NOS1: variants seen among roughly 807,000 people sequenced by gnomAD.
The protein encoded by NOS1 is NOS type I.
In NOS1, 51 loss-of-function variants were observed where a neutral mutation model predicts 164.5. The ratio of observed to expected loss-of-function variants is 0.31; its 90% CI spans 0.25 to 0.39. The LOEUF (loss-of-function observed/expected upper bound fraction) is 0.39. Among genes scored for constraint, NOS1 ranks in the 10% least tolerant of loss-of-function variants. The pLI, the probability that NOS1 is intolerant of heterozygous loss-of-function variation, is 1.00. For missense variants in NOS1, 1,362 were observed against 1,885.6 expected, an observed-to-expected ratio of 0.72 and a Z score of 5.14; for synonymous variants, 719 against 745.8, an observed-to-expected ratio of 0.96 and a Z score of 0.59.
chr12:117,254,470 T>G (rs904106047), intron 16 of NOS1, among the ~76,000 whole-genome samples: 3 of 152,186 alleles, frequency 2.0e-5, no homozygotes, highest in Non-Finnish European at 4.4e-5. Context: ...AGATTCTGAT[T>G]AAGTAGTTCT....
chr12:117,330,674 G>A lies in NOS1; in HGVS notation c.396C>T (p.Ala132=), dbSNP rs1875497820. ...CCGGTGGCTGGTGGGACAGATCCAC[G>A]GCTTTGGTGGGGGGACCCAGGGGCT... The part of the protein sequence containing the change: ...VTQPLGPPTK[A]VDLSHQPPAG... Residue 132 remains alanine, a synonymous_variant, in exon 2 of 29, where the codon GCC becomes GCT. Coordinates refer to ENST00000317775, the MANE Select transcript of NOS1 (RefSeq NM_000620.5). The surrounding 1 kb of genome is among the most constrained non-coding windows in gnomAD (Gnocchi z 4.6). The A allele has an allele frequency of 5.0e-6, 8 of 1,613,240 alleles. No individual in the cohort carries two copies. The highest frequency in any genetic ancestry group is 4.4e-5 in the South Asian group (4 of 91,068).
intron 3 of NOS1, among the ~76,000 whole-genome samples, chr12:117,292,921 T>C (rs907119625): frequency 2.6e-5 from 4 of 152,058 alleles, no homozygotes; most frequent in Non-Finnish European, 4.4e-5. Flanking sequence ...ATGGATGCCA[T>C]TACATGGGAC....
intron 24 of NOS1, 36 bp from the exon 25 acceptor site, chr12:117,225,173 G>A (rs1868547822): frequency 6.3e-7 from 1 of 1,581,834 alleles, no homozygotes; most frequent in African/African-American, 1.4e-5. Flanking sequence ...GTCTTGCAGA[G>A]CTCAAATCCA....
chr12:117,295,848 C>T (rs905666629), intron 3 of NOS1, among the ~76,000 whole-genome samples: 4 of 150,940 alleles, frequency 2.7e-5, no homozygotes, highest in East Asian at 2.0e-4. Flanking sequence ...AGGCTGGTCT[C>T]GAACTCCTGA....
intron 26 of NOS1, 100 bp from the exon 27 acceptor site, chr12:117,220,369 G>T: frequency 8.5e-7 from 1 of 1,174,126 alleles, no homozygotes; most frequent in Non-Finnish European, 1.2e-6. Context: ...AGGGGCTTGT[G>T]GGCAGGTAGG....
chr12:117,290,041 T>C (rs1342062420), intron 4 of NOS1, among the ~76,000 whole-genome samples: 1 of 152,170 alleles, frequency 6.6e-6, no homozygotes, highest in Admixed American at 6.5e-5. Flanking sequence ...TTCCTTGAAA[T>C]ACATGAAGTT....
intron 23 of NOS1, 28 bp from the exon 24 acceptor site, chr12:117,226,798 C>T (rs944019555): frequency 3.2e-6 from 5 of 1,573,454 alleles, no homozygotes; most frequent in Non-Finnish European, 3.5e-6. Flanking sequence ...GCAGTCAGGG[C>T]CACCCACTGC....
At chr12:117,230,155 C>G (rs1173719896) in intron 22 of NOS1, among the ~76,000 whole-genome samples, 1 of 152,116 alleles carries the variant, frequency 6.6e-6, no homozygotes, top group Non-Finnish European at 1.5e-5. Flanking sequence ...CTCAAGCAAT[C>G]TTCCCAACTC....
At chr12:117,348,466 CAT>C (rs1876462070) in intron 1 of NOS1, 1 of 152,190 alleles carries the variant, frequency 6.6e-6, no homozygotes, top group African/African-American at 2.4e-5. Context: ...GAAGTAACGT[CAT>C]GTTTCCCATG....
chr12:117,334,293 T>A (rs1169127791), intron 1 of NOS1, among the ~76,000 whole-genome samples: 2 of 151,848 alleles, frequency 1.3e-5, no homozygotes, highest in African/African-American at 2.4e-5. Context: ...TTGGAAGGAG[T>A]TGGAAGGAAG....
rs993466632 is a variant in NOS1, at chr12:117,208,974, C to T, written c.*6335G>A. 4.3e-6 allele frequency: 4 copies of T among 936,874 alleles called. No homozygotes were observed. The highest frequency in any genetic ancestry group is 3.8e-6 in the Non-Finnish European group (3 of 785,726). 58.0% of individuals were successfully genotyped at this position (936,874 alleles called of 1,614,324 possible). Reference sequence around the variant, plus strand: ...CCAGCCTCAAGTGATCTGCCAGCCTCGGCCTCCCAAAGTCCTGTGATTACA... The same window carrying T: ...CCAGCCTCAAGTGATCTGCCAGCCTTGGCCTCCCAAAGTCCTGTGATTACA... On this transcript the variant is annotated 3_prime_UTR_variant, in exon 29 of 29. Transcript: ENST00000317775.
chr12:117,334,584 A>C (rs928370942), intron 1 of NOS1, among the ~76,000 whole-genome samples: 10 of 152,066 alleles, frequency 6.6e-5, no homozygotes, highest in African/African-American at 2.4e-4. Context: ...TAGTAGAGAT[A>C]GGGTTTTGCC....
chr12:117,296,568 G>A (rs149414761), intron 3 of NOS1, among the ~76,000 whole-genome samples: 5 of 152,162 alleles, frequency 3.3e-5, no homozygotes, highest in Non-Finnish European at 5.9e-5. Flanking sequence ...TTTGGGACTC[G>A]GGCTGGCTTC....
chr12:117,258,945 T>C (rs1302482099), intron 15 of NOS1, 81 bp downstream of exon 15: 1 of 914,466 alleles, frequency 1.1e-6, no homozygotes, highest in East Asian at 2.4e-5. Context: ...GAATAGCAGG[T>C]GTAGGAAGAG....
Position 117,220,202 on chromosome 12 carries a change from C to T in NOS1, c.4043G>A (p.Gly1348Glu), listed in dbSNP as rs781077618. Residue 1348 changes from glycine (G) to glutamate (E), a missense_variant, in exon 27 of 29, where the codon GGG (glycine) becomes GAG (glutamate). Physicochemically the swap from Gly to Glu is moderately conservative, Grantham distance 98 (BLOSUM62 -2). Coordinates refer to ENST00000317775, the MANE Select transcript of NOS1 (RefSeq NM_000620.5). ...ESVYRALKEQ[G>E]GHIYVCGDVT... Reference sequence around the variant, plus strand: ...GTCCCCACAGACGTATATGTGGCCCCCTTGCTCCTTCAGGGCTCGGTACAC... The same window carrying T: ...GTCCCCACAGACGTATATGTGGCCCTCTTGCTCCTTCAGGGCTCGGTACAC... 3 of 1,613,706 alleles carry T rather than the reference C, an allele frequency of 1.9e-6. No individual in the cohort carries two copies. The highest frequency in any genetic ancestry group is 1.3e-5 in the African/African-American group (1 of 74,948).
chr12:117,345,913 ATAGG>A (rs1876327632), intron 1 of NOS1, among the ~76,000 whole-genome samples: 1 of 152,258 alleles, frequency 6.6e-6, no homozygotes, highest in East Asian at 1.9e-4. Context: ...TTGGCACATA[ATAGG>A]TACTCAGTGA....
rs1462482040 is a variant in NOS1, at chr12:117,322,158, CTCCTTCCTTCTTTT to C, written c.725+8173_725+8186del. Among the ~76,000 whole-genome samples, 140 of 137,586 alleles carry C rather than the reference CTCCTTCCTTCTTTT, an allele frequency of 1.0e-3. 2 individuals are homozygous for C. Among genetic ancestry groups the C allele is most frequent in the African/African-American group, 3.5e-3 (129 of 36,754 alleles). The allele number at this position is 137,586 out of a possible 152,430, so 90.3% of individuals were successfully genotyped here. On this transcript the variant is annotated intron_variant, in intron 2 of 28. Transcript: ENST00000317775. ...CCTCTCTTTTTCCTTCCTTCCCTCC[CTCCTTCCTTCTTTT>C]TCCTTCCTTCTCTCCTTTCTTCCCT... is the stretch of plus-strand genomic sequence containing the variant.
At chr12:117,358,326 A>AC (rs1289575754) in intron 1 of NOS1, among the ~76,000 whole-genome samples, 2 of 142,834 alleles carry the variant, frequency 1.4e-5, no homozygotes, top group South Asian at 2.2e-4. Flanking sequence ...CCATCACAAT[A>AC]CCCCCGCCCT....
chr12:117,269,330 G>A (rs1366066706), intron 10 of NOS1, among the ~76,000 whole-genome samples: 2 of 152,116 alleles, frequency 1.3e-5, no homozygotes, highest in African/African-American at 4.8e-5. Context: ...GAGGGTGTTT[G>A]GAGGGTGGTA....
Sources: gnomAD v4.1 joint callset for allele counts (sites outside exome capture counted in the v4.1 genomes callset) on GRCh38, gnomAD v4.1.1 for gene constraint, Gnocchi (gnomAD v3.1) non-coding constraint, MANE v1.5 for transcripts, NCBI Gene and HGNC (gene_info 2026-07-23, HGNC 2026-07-21) for gene names.